The following SLC24A4 variants were observed in gnomAD, a reference collection of about 807,000 sequenced individuals.
The protein encoded by SLC24A4 is solute carrier family 24 member 4, also known as sodium/potassium/calcium exchanger 4.
A neutral mutation model predicts 79.0 loss-of-function variants in SLC24A4; 53 were observed. That is an observed-to-expected ratio of 0.67 (90% confidence interval 0.54 to 0.84). The LOEUF is 0.84. SLC24A4 is among the 40% of genes least tolerant of loss of function. The pLI, the probability that SLC24A4 is intolerant of heterozygous loss-of-function variation, is 0.00. For missense variants in SLC24A4, 731 were observed against 822.0 expected, an observed-to-expected ratio of 0.89 and a Z score of 1.35; for synonymous variants, 323 against 323.8, an observed-to-expected ratio of 1.00 and a Z score of 0.03.
At chr14:92,449,959 T>C (rs1233154153) in intron 10 of SLC24A4, among the ~76,000 whole-genome samples, 1 of 152,300 alleles carries the variant, frequency 6.6e-6, no homozygotes, top group South Asian at 2.1e-4. Flanking sequence ...CCAAGACCAA[T>C]GACCAGGCGG....
At chr14:92,460,168 C>G (rs117607600) in intron 12 of SLC24A4, among the ~76,000 whole-genome samples, 1 of 152,076 alleles carries the variant, frequency 6.6e-6, no homozygotes, top group Non-Finnish European at 1.5e-5. Flanking sequence ...GCTGGGAGGC[C>G]GGCTCTGGAG....
chr14:92,415,341 C>T (rs941292536), intron 2 of SLC24A4, among the ~76,000 whole-genome samples: 1 of 152,206 alleles, frequency 6.6e-6, no homozygotes, highest in East Asian at 1.9e-4. Context: ...TGACCTCTTG[C>T]CTTTGGTCCT....
intron 2 of SLC24A4, among the ~76,000 whole-genome samples, chr14:92,339,656 A>G (rs1000566680): frequency 9.9e-5 from 15 of 152,148 alleles, no homozygotes; most frequent in Non-Finnish European, 1.9e-4. Context: ...ATGGGTGGCG[A>G]GTCATCCTGT....
chr14:92,413,863 T>C (rs1890848283), intron 2 of SLC24A4, among the ~76,000 whole-genome samples: 1 of 152,098 alleles, frequency 6.6e-6, no homozygotes, highest in Admixed American at 6.5e-5. Context: ...AGATGTGTCA[T>C]TGTTGGAAGT....
intron 2 of SLC24A4, among the ~76,000 whole-genome samples, chr14:92,400,265 C>T (rs150138442): frequency 3.3e-5 from 5 of 152,000 alleles, no homozygotes; most frequent in Non-Finnish European, 7.4e-5. Context: ...ATGGTGAAAC[C>T]CCGTCTCTAC....
intron 13 of SLC24A4, chr14:92,483,697 TG>T: frequency 7.9e-7 from 1 of 1,270,502 alleles, no homozygotes; most frequent in Middle Eastern, 2.2e-4. Context: ...TACCACCTAA[TG>T]GGGTCCCTTC....
At chr14:92,443,328 G>A (rs1481664041) in intron 6 of SLC24A4, 72 bp from the exon 7 acceptor site, 1 of 1,448,498 alleles carries the variant, frequency 6.9e-7, no homozygotes, top group Non-Finnish European at 9.7e-7. Flanking sequence ...TGCGGGGGGA[G>A]GAGGCCTGGG....
intron 12 of SLC24A4, chr14:92,461,989 C>T (rs1050437671): frequency 2.6e-5 from 4 of 152,258 alleles, no homozygotes; most frequent in African/African-American, 7.2e-5. Flanking sequence ...TCATTCCAGG[C>T]ACTTTCATTT....
chr14:92,481,317 G>C (rs980568321), intron 12 of SLC24A4, among the ~76,000 whole-genome samples: 1 of 152,156 alleles, frequency 6.6e-6, no homozygotes, highest in Non-Finnish European at 1.5e-5. Flanking sequence ...TATGCTTTTT[G>C]GTTAACCTAT....
intron 2 of SLC24A4, among the ~76,000 whole-genome samples, chr14:92,411,540 G>T (rs529903934): frequency 6.6e-6 from 1 of 152,176 alleles, no homozygotes; most frequent in Non-Finnish European, 1.5e-5. Context: ...CCAAGAGCCC[G>T]CTGTCTCTCG....
At chr14:92,483,936 C>T (rs1017630863) in intron 13 of SLC24A4, 19 of 1,254,712 alleles carry the variant, frequency 1.5e-5, no homozygotes, top group Non-Finnish European at 2.0e-5. Flanking sequence ...GCCACCTTTC[C>T]CTTAACTCCA....
chr14:92,458,991 C>T (rs1893643144), intron 12 of SLC24A4, among the ~76,000 whole-genome samples: 1 of 152,192 alleles, frequency 6.6e-6, no homozygotes. Flanking sequence ...TTCTCCACCC[C>T]TTGAAGTGGG....
chr14:92,489,938 C>T (rs75915048), intron 14 of SLC24A4, among the ~76,000 whole-genome samples: 2,153 of 152,266 alleles, frequency 0.014, 43 homozygotes, highest in African/African-American at 0.05. Flanking sequence ...CACTGACAGA[C>T]CAGAAGTCCA....
chr14:92,403,543 G>C (rs1890221114), intron 2 of SLC24A4, among the ~76,000 whole-genome samples: 1 of 151,188 alleles, frequency 6.6e-6, no homozygotes, highest in African/African-American at 2.4e-5. Context: ...AGGAGGTGGA[G>C]GTTGCAGTGA....
intron 2 of SLC24A4, among the ~76,000 whole-genome samples, chr14:92,412,860 C>A (rs139895651): frequency 6.6e-6 from 1 of 152,170 alleles, no homozygotes; most frequent in Non-Finnish European, 1.5e-5. Context: ...GTTTGGAATA[C>A]GTCCTGCAAG....
chr14:92,362,083 C>T (rs1202078824), intron 2 of SLC24A4, among the ~76,000 whole-genome samples: 1 of 152,126 alleles, frequency 6.6e-6, no homozygotes, highest in African/African-American at 2.4e-5. Context: ...GGTGCGGTCC[C>T]ATGACTGAGC....
chr14:92,342,544 C>T (rs796784616), intron 2 of SLC24A4, among the ~76,000 whole-genome samples: 50 of 152,104 alleles, frequency 3.3e-4, no homozygotes, highest in African/African-American at 1.1e-3. Context: ...CCACCACGCC[C>T]GGCTAATTTT....
chr14:92,411,028 C>G (rs1356548569), intron 2 of SLC24A4, among the ~76,000 whole-genome samples: 1 of 152,168 alleles, frequency 6.6e-6, no homozygotes, highest in African/African-American at 2.4e-5. Context: ...CTTGGACACA[C>G]TCTGAGCTCT....
intron 2 of SLC24A4, among the ~76,000 whole-genome samples, chr14:92,389,964 C>T (rs766784960): frequency 1.3e-5 from 2 of 152,182 alleles, no homozygotes; most frequent in Non-Finnish European, 2.9e-5. Context: ...TCTTGACTTG[C>T]GCCTCTTCTG....
Sources: gnomAD v4.1 joint callset for allele counts (sites outside exome capture counted in the v4.1 genomes callset) on GRCh38, gnomAD v4.1.1 for gene constraint, MANE v1.5 for transcripts, NCBI Gene and HGNC (gene_info 2026-07-23, HGNC 2026-07-21) for gene names.